Variants in FAT3 observed in about 807,000 individuals in gnomAD.
FAT3 encodes the protein protocadherin Fat 3.
Under a neutral mutation model 310.2 loss-of-function variants are expected in FAT3, and 95 were observed. That is an observed-to-expected ratio of 0.31 (90% CI 0.26 to 0.36). The LOEUF is 0.36. Ranked by LOEUF, FAT3 falls within the 10% of genes least tolerant of loss-of-function variation. The pLI, the probability that FAT3 is intolerant of heterozygous loss-of-function variation, is 1.00. For missense variants in FAT3, 5,408 were observed against 5,715.6 expected (o/e 0.95, Z 1.74); for synonymous variants, 2,314 against 2,192.9 (o/e 1.06, Z -1.54).
At chr11:92,741,589 T>C (rs546944778) in intron 4 of FAT3, among the ~76,000 whole-genome samples, 57 of 152,380 alleles carry the variant, frequency 3.7e-4, no homozygotes, top group African/African-American at 1.3e-3. Context: ...TAGTTATTAA[T>C]GACAGTAGTC....
At position 92,353,023 on chromosome 11, in the gene FAT3, T is replaced by A; in HGVS notation, c.911T>A (p.Val304Glu). 6.2e-7 allele frequency: 1 copy of A among 1,613,782 alleles called. No individual in the cohort carries two copies. Among genetic ancestry groups the A allele is most frequent in the Non-Finnish European group, 8.5e-7 (1 of 1,179,854 alleles). Reference sequence around the variant, plus strand: ...GGAGAGATCGAATCTGTTTCCATTGTGGCTGGGGATCCTTTAGATCAGTTC... The same window carrying A: ...GGAGAGATCGAATCTGTTTCCATTGAGGCTGGGGATCCTTTAGATCAGTTC... ...ANGEIESVSI[V>E]AGDPLDQFFL... The change falls in exon 2 of 28, where the codon GTG becomes GAG. Residue 304 changes from valine to glutamate, a missense_variant. Transcript: ENST00000525166.
At chr11:92,254,926 GA>G (rs34187247) in intron 1 of FAT3, among the ~76,000 whole-genome samples, 4,563 of 152,120 alleles carry the variant, frequency 0.03, 248 homozygotes, top group African/African-American at 0.1. Context: ...GGCTGATCTT[GA>G]ACTCCTGATC....
intron 2 of FAT3, among the ~76,000 whole-genome samples, chr11:92,517,212 C>G (rs981485131): frequency 6.6e-6 from 1 of 152,068 alleles, no homozygotes; most frequent in Non-Finnish European, 1.5e-5. Context: ...GGAGGCATCA[C>G]GCTACCTGAC....
chr11:92,819,609 T>C (rs2399587), intron 13 of FAT3, among the ~76,000 whole-genome samples: 120,856 of 152,138 alleles, frequency 0.79, 49,135 homozygotes, highest in East Asian at 0.94. Context: ...TCTCATAAAA[T>C]AAAATACAAA....
At chr11:92,513,702 G>A (rs1403097216) in intron 2 of FAT3, among the ~76,000 whole-genome samples, 1 of 152,146 alleles carries the variant, frequency 6.6e-6, no homozygotes, top group Non-Finnish European at 1.5e-5. Context: ...TTAGAAATAA[G>A]CGTTAAATGA....
chr11:92,355,182 G>A lies in FAT3; in HGVS notation c.3070G>A (p.Val1024Ile). 3 of 1,613,780 alleles carry A rather than the reference G, an allele frequency of 1.9e-6. No individual in the cohort carries two copies. Among genetic ancestry groups the A allele is most frequent in the Non-Finnish European group, 2.5e-6 (3 of 1,179,848 alleles). The change falls in exon 2 of 28, where the codon GTT becomes ATT. Residue 1024 changes from valine to isoleucine, a missense_variant. By Grantham distance (29) the Val-to-Ile change is conservative. This residue lies in a region of FAT3 where 4,588 missense variants were observed against 4,809.8 expected (regional missense o/e 0.95). Transcript: ENST00000525166. ...DKGRPVSLSS[V>I]SFVEVEVVDV... Reference sequence around the variant, plus strand: ...AGGGCGGCCTGTCTCTCTGTCATCTGTTTCCTTTGTTGAGGTGGAAGTGGT... The same window carrying A: ...AGGGCGGCCTGTCTCTCTGTCATCTATTTCCTTTGTTGAGGTGGAAGTGGT...
At position 92,599,804 on chromosome 11, in the gene FAT3, C is replaced by T. The variant is rs1418031284; in HGVS notation, c.3607+74856C>T. Among the ~76,000 whole-genome samples, 4 of 152,286 alleles carry T rather than the reference C, an allele frequency of 2.6e-5. No homozygotes were observed. In the East Asian group the frequency reaches 7.7e-4, roughly 29 times the overall value. On this transcript the variant is annotated intron_variant, in intron 3 of 27. Coordinates refer to ENST00000525166, the MANE Select transcript of FAT3 (RefSeq NM_001367949.2). The stretch of plus-strand genomic sequence containing the variant: ...ATACATAGGGGAGTTGTCTAGACAA[C>T]CAAAATGTACACCTTTTAGGAGCTT...
chr11:92,596,055 A>G (rs537519127), intron 3 of FAT3, among the ~76,000 whole-genome samples: 4 of 152,312 alleles, frequency 2.6e-5, no homozygotes, highest in African/African-American at 4.8e-5. Flanking sequence ...TATGAAAGTG[A>G]TGTTTCCAAG....
intron 2 of FAT3, among the ~76,000 whole-genome samples, chr11:92,501,996 T>C (rs560695221): frequency 3.9e-5 from 6 of 152,136 alleles, no homozygotes; most frequent in Non-Finnish European, 5.9e-5. Flanking sequence ...TTTCCACCTG[T>C]CTCTAATAGG....
chr11:92,481,253 T>C (rs557059177), intron 2 of FAT3, among the ~76,000 whole-genome samples: 45 of 152,312 alleles, frequency 3.0e-4, no homozygotes, highest in Middle Eastern at 3.4e-3. Flanking sequence ...AATGATGATA[T>C]TTAAATTATA....
Position 92,882,857 on chromosome 11 carries a change from G to A in FAT3, c.12401G>A (p.Gly4134Glu), listed in dbSNP as rs766515404. The change falls in exon 24 of 28, where the codon GGG becomes GAG. Residue 4134 changes from glycine (G) to glutamate (E), a missense_variant. Gly to Glu is a moderately conservative substitution (Grantham distance 98). Around this residue, in one of 5 missense-constraint regions of FAT3, gnomAD observed 649 missense variants for 666.2 expected, o/e 0.97. Transcript: ENST00000525166. The stretch of plus-strand genomic sequence containing the variant: ...CCGGGCTACGTGGGCCAGTACTGCG[G>A]GCTGCGCCCCGTGGTGGTACCCAAT... ...CTPGYVGQYC[G>E]LRPVVVPNIQ... 1 of 1,612,086 alleles carries A rather than the reference G, an allele frequency of 6.2e-7. No homozygotes were observed. Among genetic ancestry groups the A allele is most frequent in the Non-Finnish European group, 8.5e-7 (1 of 1,179,366 alleles).
At position 92,805,294 on chromosome 11, in the gene FAT3, C is replaced by G. The variant is rs1052763750; in HGVS notation, c.9038C>G (p.Ala3013Gly). ...TATDGLFVTQ[A>G]MVEVSVSDVN... ...ACTGATGGGCTTTTTGTCACACAGG[C>G]CATGGTGGAAGTGAGCGTCAGTGAT... Residue 3013 changes from alanine (A) to glycine (G), a missense_variant, in exon 11 of 28, where the codon GCC becomes GGC. Around this residue, in one of 5 missense-constraint regions of FAT3, gnomAD observed 4,588 missense variants for 4,809.8 expected, o/e 0.95. Coordinates refer to ENST00000525166, the MANE Select transcript of FAT3 (RefSeq NM_001367949.2). The G allele has an allele frequency of 3.5e-5, 57 of 1,613,560 alleles. No individual in the cohort carries two copies. The highest frequency in any genetic ancestry group is 4.7e-5 in the Non-Finnish European group (55 of 1,179,804).
Position 92,883,270 on chromosome 11 carries a change from C to A in FAT3, c.12814C>A (p.Arg4272Ser), listed in dbSNP as rs1438591331. 1 of 1,612,810 alleles carries A rather than the reference C, an allele frequency of 6.2e-7. No individual in the cohort carries two copies. The highest frequency in any genetic ancestry group is 8.5e-7 in the Non-Finnish European group (1 of 1,179,836). Residue 4272 changes from arginine to serine, a missense_variant, in exon 24 of 28, where the codon CGC becomes AGC. This residue lies in a region of FAT3 where 649 missense variants were observed against 666.2 expected (regional missense o/e 0.97). Coordinates refer to ENST00000525166, the MANE Select transcript of FAT3 (RefSeq NM_001367949.2). The surrounding 1 kb of genome is among the most constrained non-coding windows in gnomAD (Gnocchi z 4.2). ...GACCACGTTTCACCCTGAGTCGCCCCGCATCCTGACAGCCCGGCGGGGCGT... is the reference window on the plus strand; with the variant it reads ...GACCACGTTTCACCCTGAGTCGCCCAGCATCCTGACAGCCCGGCGGGGCGT... ...EMTTFHPESP[R>S]ILTARRGVVV... is the part of the protein sequence containing the mutation.
At chr11:92,303,519 T>C (rs912463803) in intron 1 of FAT3, among the ~76,000 whole-genome samples, 1 of 152,122 alleles carries the variant, frequency 6.6e-6, no homozygotes, top group Non-Finnish European at 1.5e-5. Context: ...CCAGTCTTGA[T>C]CACTTAAGGA....
intron 2 of FAT3, among the ~76,000 whole-genome samples, chr11:92,413,736 T>C (rs527490182): frequency 2.6e-5 from 4 of 152,330 alleles, no homozygotes; most frequent in African/African-American, 9.6e-5. Flanking sequence ...AGCACAAAGT[T>C]GAAAATTTAA....
chr11:92,568,257 C>T (rs551416857), intron 3 of FAT3, among the ~76,000 whole-genome samples: 1 of 152,138 alleles, frequency 6.6e-6, no homozygotes, highest in Admixed American at 6.5e-5. Flanking sequence ...TAAGTTCCCC[C>T]AAGATAAGAA....
chr11:92,844,818 C>A, intron 19 of FAT3, 86 bp downstream of exon 19: 1 of 1,352,308 alleles, frequency 7.4e-7, no homozygotes, highest in Non-Finnish European at 9.9e-7. Context: ...TGCATTCAAT[C>A]ATTCGTTCAA....
intron 2 of FAT3, among the ~76,000 whole-genome samples, chr11:92,481,407 T>C (rs960569067): frequency 3.3e-5 from 5 of 152,160 alleles, no homozygotes; most frequent in African/African-American, 1.2e-4. Flanking sequence ...ATAAGCTATA[T>C]GGTTATAGGA....
intron 3 of FAT3, among the ~76,000 whole-genome samples, chr11:92,638,173 T>C (rs1299406962): frequency 6.6e-6 from 1 of 152,230 alleles, no homozygotes; most frequent in Non-Finnish European, 1.5e-5. Flanking sequence ...GACTGGGTGA[T>C]AGGGTGACCA....
Sources: gnomAD v4.1 joint callset for allele counts (sites outside exome capture counted in the v4.1 genomes callset) on GRCh38, gnomAD v4.1.1 for gene constraint, gnomAD v4.1.1 regional missense constraint, Gnocchi (gnomAD v3.1) non-coding constraint, MANE v1.5 for transcripts, NCBI Gene and HGNC (gene_info 2026-07-23, HGNC 2026-07-21) for gene names.